Variants in THSD7B observed in about 807,000 individuals in gnomAD.
THSD7B encodes the protein thrombospondin type 1 domain containing 7B.
THSD7B carries 138 observed loss-of-function variants against 213.6 expected under a neutral mutation model. The ratio of observed to expected loss-of-function variants is 0.65; its 90% confidence interval spans 0.56 to 0.74. The LOEUF (loss-of-function observed/expected upper bound fraction) is 0.74, where lower values mean the gene tolerates loss of function less well. THSD7B is among the 30% of genes least tolerant of loss of function. The pLI, the probability that THSD7B is intolerant of heterozygous loss-of-function variation, is 0.00. For synonymous variants in THSD7B, 742 were observed against 687.0 expected (o/e 1.08, Z -1.25); for missense variants, 1,931 against 1,991.5 (o/e 0.97, Z 0.58).
At chr2:137,109,011 C>G (rs1246223075) in intron 4 of THSD7B, among the ~76,000 whole-genome samples, 1 of 152,150 alleles carries the variant, frequency 6.6e-6, no homozygotes, top group Non-Finnish European at 1.5e-5. Flanking sequence ...TCATCCATCA[C>G]TACTCTCTCT....
At chr2:136,852,367 C>A (rs1256840198) in intron 1 of THSD7B, among the ~76,000 whole-genome samples, 2 of 151,822 alleles carry the variant, frequency 1.3e-5, no homozygotes, top group Non-Finnish European at 2.9e-5. Flanking sequence ...AACCAAAAAA[C>A]CACAGGGGAG....
At chr2:137,355,446 A>G (rs945291760) in intron 12 of THSD7B, among the ~76,000 whole-genome samples, 1 of 152,218 alleles carries the variant, frequency 6.6e-6, no homozygotes, top group Non-Finnish European at 1.5e-5. Flanking sequence ...TCTTTTGTAA[A>G]GATACGTCGT....
In THSD7B at chr2:137,170,844, C is replaced by T. The variant is rs374168277; in HGVS notation, c.1629C>T (p.Tyr543=). The change falls in exon 7 of 28, where the codon TAC becomes TAT. Residue 543 remains tyrosine, a synonymous_variant. Coordinates refer to ENST00000409968, the MANE Select transcript of THSD7B (RefSeq NM_001316349.2). ...ESVPCEDPMC[Y]RWLASEGICF... The stretch of plus-strand genomic sequence containing the variant: ...TTCCTTGTGAGGATCCAATGTGCTA[C>T]CGATGGCTGGCATCAGAAGGGATCT... 7 of 1,613,696 alleles carry T rather than the reference C, an allele frequency of 4.3e-6. No homozygotes were observed. Among genetic ancestry groups the T allele is most frequent in the East Asian group, 2.2e-5 (1 of 44,820 alleles).
intron 1 of THSD7B, among the ~76,000 whole-genome samples, chr2:136,810,301 A>G (rs1378296462): frequency 6.6e-6 from 1 of 152,202 alleles, no homozygotes; most frequent in Non-Finnish European, 1.5e-5. Flanking sequence ...GGAGATGGAA[A>G]ACAGACCTAG....
intron 12 of THSD7B, among the ~76,000 whole-genome samples, chr2:137,323,541 C>A (rs969892456): frequency 2.6e-5 from 4 of 152,172 alleles, no homozygotes; most frequent in Admixed American, 1.3e-4. Context: ...CTGAGAGGTA[C>A]TGTGTGGCAT....
intron 2 of THSD7B, among the ~76,000 whole-genome samples, chr2:136,960,635 G>T (rs1293260379): frequency 6.6e-6 from 1 of 152,106 alleles, no homozygotes; most frequent in Admixed American, 6.5e-5. Context: ...GCGTTAACAT[G>T]TGGCCTTTAG....
intron 1 of THSD7B, among the ~76,000 whole-genome samples, chr2:136,866,192 G>C (rs1360702112): frequency 1.3e-5 from 2 of 152,080 alleles, no homozygotes; most frequent in African/African-American, 4.8e-5. Flanking sequence ...TATTTACCTA[G>C]TTCTTCATAA....
intron 14 of THSD7B, among the ~76,000 whole-genome samples, chr2:137,443,237 G>T (rs1487610762): frequency 3.9e-5 from 6 of 152,078 alleles, no homozygotes; most frequent in African/African-American, 9.7e-5. Flanking sequence ...TGATTAAATT[G>T]CCTGGACTAT....
Position 136,809,531 on chromosome 2 carries a change from A to G in THSD7B, c.-36+43844A>G, listed in dbSNP as rs118043781. ...ATTACAACGTAGACTCTGATTCATT[A>G]GGTCTGGGCAGGACCTGAGACCCTG... On this transcript the variant is annotated intron_variant, in intron 1 of 27. Transcript: ENST00000409968. 2.1e-3 allele frequency among the ~76,000 whole-genome samples: 321 copies of G among 152,270 alleles called. 7 individuals carry two copies. In the East Asian group the frequency reaches 0.041, roughly 19 times the overall value.
chr2:137,339,728 C>A (rs1160573303), intron 12 of THSD7B, among the ~76,000 whole-genome samples: 1 of 151,856 alleles, frequency 6.6e-6, no homozygotes, highest in Non-Finnish European at 1.5e-5. Flanking sequence ...AGGGGACAGA[C>A]AGGGAAAGGG....
At chr2:136,862,563 G>T (rs1683272196) in intron 1 of THSD7B, among the ~76,000 whole-genome samples, 1 of 152,098 alleles carries the variant, frequency 6.6e-6, no homozygotes, top group African/African-American at 2.4e-5. Context: ...CAGTCGAATG[G>T]GTGAAAGAAA....
intron 5 of THSD7B, among the ~76,000 whole-genome samples, chr2:137,152,006 ATTTT>A (rs201462563): frequency 0.45 from 61,829 of 137,732 alleles, 13,779 homozygotes; most frequent in Non-Finnish European, 0.55. Flanking sequence ...AGCTACCTTA[ATTTT>A]TTTTTTTTTT....
chr2:137,055,823 T>C (rs139564249), intron 2 of THSD7B, among the ~76,000 whole-genome samples: 38 of 152,324 alleles, frequency 2.5e-4, no homozygotes, highest in African/African-American at 8.9e-4. Context: ...CAATTCTCTC[T>C]GCAAGTACTA....
chr2:137,379,582 G>A (rs1000749254), intron 12 of THSD7B, among the ~76,000 whole-genome samples: 2 of 152,204 alleles, frequency 1.3e-5, no homozygotes, highest in Non-Finnish European at 2.9e-5. Flanking sequence ...GATATGGCAA[G>A]AACTAGCTTT....
chr2:137,380,835 G>A (rs989628380), intron 12 of THSD7B, among the ~76,000 whole-genome samples: 1 of 152,200 alleles, frequency 6.6e-6, no homozygotes, highest in African/African-American at 2.4e-5. Flanking sequence ...ACCACATGAG[G>A]TGCATTAGGT....
At chr2:137,463,537 T>A (rs1360212864) in intron 15 of THSD7B, among the ~76,000 whole-genome samples, 1 of 152,054 alleles carries the variant, frequency 6.6e-6, no homozygotes, top group East Asian at 1.9e-4. Context: ...CTGTGGCTTT[T>A]CTTTCTCTAC....
chr2:137,140,631 G>A (rs939164945), intron 5 of THSD7B, among the ~76,000 whole-genome samples: 3 of 152,018 alleles, frequency 2.0e-5, no homozygotes, highest in African/African-American at 7.2e-5. Context: ...GAGAATTGAA[G>A]TCTTGCTTTT....
intron 2 of THSD7B, among the ~76,000 whole-genome samples, chr2:137,012,185 A>G (rs987995201): frequency 6.6e-6 from 1 of 152,234 alleles, no homozygotes; most frequent in Non-Finnish European, 1.5e-5. Flanking sequence ...AACTAATACT[A>G]TGGAGGTTCA....
intron 16 of THSD7B, among the ~76,000 whole-genome samples, chr2:137,571,236 T>C (rs1465897345): frequency 6.6e-6 from 1 of 152,234 alleles, no homozygotes; most frequent in East Asian, 1.9e-4. Context: ...GTCTAGCTTC[T>C]TTGGTTCAAC....
Sources: allele counts gnomAD v4.1 joint callset (sites outside exome capture counted in the v4.1 genomes callset), GRCh38; gene constraint gnomAD v4.1.1; transcripts MANE v1.5; gene names NCBI Gene and HGNC (gene_info 2026-07-23, HGNC 2026-07-21).